The following PBDC1 variants were observed in gnomAD, a reference collection of about 807,000 sequenced individuals.
The protein encoded by PBDC1 is protein PBDC1.
A neutral mutation model predicts 12.0 loss-of-function variants in PBDC1; 3 were observed. That is an observed-to-expected ratio of 0.25 (90% CI 0.11 to 0.64). The LOEUF is 0.64. Ranked by LOEUF, PBDC1 falls within the 30% of genes least tolerant of loss-of-function variation. PBDC1 has a pLI of 0.84. For missense variants in PBDC1, 162 were observed against 168.1 expected (o/e 0.96, Z 0.20); for synonymous variants, 64 against 56.4 (o/e 1.13, Z -0.60).
chrX:76,177,990 G>T lies in PBDC1; in HGVS notation c.*82G>T. The T allele has an allele frequency of 8.5e-7, 1 of 1,177,376 alleles. No individual in the cohort carries two copies. The highest frequency in any genetic ancestry group is 1.9e-5 in the South Asian group (1 of 51,657). ...CGGTGCTACTTGCACAGACCCCTTT[G>T]GTTAAATGTAAATTCTTGTACAATT... On this transcript the variant is annotated 3_prime_UTR_variant, in exon 6 of 6. Coordinates refer to ENST00000373358, the MANE Select transcript of PBDC1 (RefSeq NM_016500.5).
chrX:76,177,195 T>A (rs906359055), intron 5 of PBDC1, among the ~76,000 whole-genome samples: 2 of 111,050 alleles, frequency 1.8e-5, no homozygotes, highest in Admixed American at 9.6e-5. Context: ...CTCTGAAGTT[T>A]ATGACTATAC....
Position 76,177,830 on chromosome X carries a change from A to G in PBDC1, c.624A>G (p.Glu208=). ...AAAAAGAGGAAGGAATCAACAGAGA[A>G]GACAAAACTGACAAAGGAGGAGAAA... ...GEEKEEGINR[E]DKTDKGGEKG... The change falls in exon 6 of 6, where the codon GAA becomes GAG. Residue 208 remains glutamate (E), a synonymous_variant. Transcript: ENST00000373358. 8.3e-7 allele frequency: 1 copy of G among 1,207,502 alleles called. No individual in the cohort carries two copies. Among genetic ancestry groups the G allele is most frequent in the South Asian group, 1.8e-5 (1 of 56,187 alleles).
At chrX:76,173,694 G>T in intron 2 of PBDC1, 44 bp downstream of exon 2, 3 of 989,823 alleles carry the variant, frequency 3.0e-6, no homozygotes, top group Non-Finnish European at 4.1e-6. Flanking sequence ...CAGCTAGCCT[G>T]GGATCTCTGC....
chrX:76,177,690 G>C lies in PBDC1; in HGVS notation c.484G>C (p.Val162Leu), dbSNP rs1262316377. 1.7e-6 allele frequency: 2 copies of C among 1,205,092 alleles called. No individual in the cohort carries two copies. Among genetic ancestry groups the C allele is most frequent in the East Asian group, 5.9e-5 (2 of 33,823 alleles). Residue 162 changes from valine (V) to leucine (L), a missense_variant, in exon 6 of 6, where the codon GTT (valine) becomes CTT (leucine). This residue lies in a region of PBDC1 where 100 missense variants were observed against 96.2 expected (regional missense o/e 1.04). Transcript: ENST00000373358. Reference protein sequence around the residue: ...EGYNKAVYISVQDKEGEKGVN... With the variant: ...EGYNKAVYISLQDKEGEKGVN... ...CTATAACAAAGCTGTTTATATCAGT[G>C]TTCAGGACAAAGAAGGAGAGAAAGG...
intron 3 of PBDC1, among the ~76,000 whole-genome samples, chrX:76,175,169 G>A (rs1176485256): frequency 8.9e-6 from 1 of 112,618 alleles, no homozygotes; most frequent in African/African-American, 3.2e-5. Flanking sequence ...CTGACAAAAG[G>A]GCGTCTGGCC....
chrX:76,175,585 A>T lies in PBDC1; in HGVS notation c.269A>T (p.Glu90Val). ...ETLRIDVLDP[E>V]ELKSESAKEK... ...CTTAGGATAGATGTGTTGGACCCAG[A>T]AGAACTCAAGTCAGAATCAGCCAAA... Residue 90 changes from glutamate (E) to valine (V), a missense_variant, in exon 4 of 6, where the codon GAA (glutamate) becomes GTA (valine). Coordinates refer to ENST00000373358, the MANE Select transcript of PBDC1 (RefSeq NM_016500.5). 1 of 1,204,368 alleles carries T rather than the reference A, an allele frequency of 8.3e-7. No homozygotes were observed. The highest frequency in any genetic ancestry group is 1.8e-5 in the South Asian group (1 of 54,954).
chrX:76,173,526 G>T (rs781935876), intron 1 of PBDC1, 59 bp from the exon 2 acceptor site: 24 of 932,219 alleles, frequency 2.6e-5, no homozygotes, highest in Non-Finnish European at 2.7e-5. Flanking sequence ...ACTGGCCTTG[G>T]GGGGAGCCAC....
In PBDC1 at chrX:76,173,108, C is replaced by T; in HGVS notation, c.-31C>T. The T allele has an allele frequency of 1.2e-5, 14 of 1,170,562 alleles. No individual in the cohort carries two copies. The highest frequency in any genetic ancestry group is 1.5e-5 in the Non-Finnish European group (13 of 872,962). ...TCCGGCTCAGCTTTCCAATCAGCTG[C>T]GGAAGGAGCCACGCTTTCGGGGGTT... On this transcript the variant is annotated 5_prime_UTR_variant, in exon 1 of 6. Transcript: ENST00000373358.
At chrX:76,176,793 C>T in intron 4 of PBDC1, 88 bp from the exon 5 acceptor site, 4 of 578,146 alleles carry the variant, frequency 6.9e-6, no homozygotes, top group Non-Finnish European at 3.0e-6. Flanking sequence ...GATTATTTTC[C>T]TTACTGGGAA....
intron 4 of PBDC1, 42 bp from the exon 5 acceptor site, chrX:76,176,839 C>A: frequency 1.1e-6 from 1 of 905,681 alleles, no homozygotes. Context: ...GTACGTCAGC[C>A]TCTTGCATTT....
Position 76,173,177 on chromosome X carries a change from C to T in PBDC1, c.30+9C>T, listed in dbSNP as rs1924700417. The T allele has an allele frequency of 8.5e-7, 1 of 1,171,676 alleles. No homozygotes were observed. The highest frequency in any genetic ancestry group is 1.1e-6 in the Non-Finnish European group (1 of 874,277). On this transcript the variant is annotated intron_variant, in intron 1 of 5. Coordinates refer to ENST00000373358, the MANE Select transcript of PBDC1 (RefSeq NM_016500.5). ...GTGGAACTGATGAGCCGGTGAGACG[C>T]TGTTCTGGGGTCGGGTGAGTGGGGA...
rs1924717014 is a variant in PBDC1, at chrX:76,173,632, A to G, written c.78A>G (p.Ala26=). The G allele has an allele frequency of 1.7e-6, 2 of 1,190,659 alleles. No homozygotes were observed. Among genetic ancestry groups the G allele is most frequent in the African/African-American group, 1.8e-5 (1 of 56,513 alleles). Residue 26 remains alanine (A), a synonymous_variant, in exon 2 of 6, where the codon GCA becomes GCG. Coordinates refer to ENST00000373358, the MANE Select transcript of PBDC1 (RefSeq NM_016500.5). ...TGGCACATGCGCTTTCTCTCCCAGC[A>G]GAGTCGTATGGCAACGATGTGAGTA... is the stretch of plus-strand genomic sequence containing the variant. ...VSVAHALSLP[A]ESYGNDPDIE...
Position 76,178,172 on chromosome X carries a change from TGTAA to T in PBDC1, c.*265_*268del. ...GACACTACTGGTCAAGTAAGAAATT[TGTAA>T]ATAAATTTCTTTTGGTTCTTATTAT... On this transcript the variant is annotated 3_prime_UTR_variant, in exon 6 of 6. Coordinates refer to ENST00000373358, the MANE Select transcript of PBDC1 (RefSeq NM_016500.5). 1 of 370,198 alleles carries T rather than the reference TGTAA, an allele frequency of 2.7e-6. No homozygotes were observed. The highest frequency in any genetic ancestry group is 4.7e-6 in the Non-Finnish European group (1 of 214,895). The allele number at this position is 370,198 out of a possible 1,213,427, so 30.5% of individuals were successfully genotyped here. A position where few individuals can be genotyped will look rare whatever the true frequency, so the allele number is the denominator to read the frequency against.
In PBDC1 at chrX:76,176,868, T is replaced by A; in HGVS notation, c.298-13T>A. The A allele has an allele frequency of 8.8e-7, 1 of 1,131,754 alleles. No homozygotes were observed. The highest frequency in any genetic ancestry group is 1.2e-6 in the Non-Finnish European group (1 of 823,753). 93.3% of individuals were successfully genotyped at this position (1,131,754 alleles called of 1,213,427 possible). A position where few individuals can be genotyped will look rare whatever the true frequency, so the allele number is the denominator to read the frequency against. On this transcript the variant is annotated splice_polypyrimidine_tract_variant and intron_variant, in intron 4 of 5. Transcript: ENST00000373358. Reference sequence around the variant, plus strand: ...TGCATTTGTCAGCTAAAGCATCGTTTTTGCCTTTATAGAAGTGGAGGCCAT... The same window carrying A: ...TGCATTTGTCAGCTAAAGCATCGTTATTGCCTTTATAGAAGTGGAGGCCAT...
Position 76,173,640 on chromosome X carries a change from A to G in PBDC1, c.86A>G (p.Tyr29Cys). 1 of 1,184,679 alleles carries G rather than the reference A, an allele frequency of 8.4e-7. No homozygotes were observed. The highest frequency in any genetic ancestry group is 3.0e-5 in the East Asian group (1 of 33,198). The change falls in exon 2 of 6, where the codon TAT (tyrosine) becomes TGT (cysteine). Residue 29 changes from tyrosine (Y) to cysteine (C), a missense_variant. By Grantham distance (194) the Tyr-to-Cys change is radical (BLOSUM62 -2). Coordinates refer to ENST00000373358, the MANE Select transcript of PBDC1 (RefSeq NM_016500.5). ...AHALSLPAES[Y>C]GNDPDIEMAW... The stretch of plus-strand genomic sequence containing the variant: ...GCGCTTTCTCTCCCAGCAGAGTCGT[A>G]TGGCAACGATGTGAGTATGACTCAC...
At chrX:76,176,407 G>A (rs782424507) in intron 4 of PBDC1, among the ~76,000 whole-genome samples, 3 of 111,150 alleles carry the variant, frequency 2.7e-5, no homozygotes, top group Non-Finnish European at 5.7e-5. Flanking sequence ...CGCCCGCCTC[G>A]GTCTTTCAAA....
chrX:76,175,752 C>A (rs938244874), intron 4 of PBDC1, 139 bp downstream of exon 4: 1 of 462,609 alleles, frequency 2.2e-6, no homozygotes. Flanking sequence ...TTGTAATCAA[C>A]TAAGTTAGGA....
intron 2 of PBDC1, 78 bp downstream of exon 2, chrX:76,173,728 T>C (rs1924721542): frequency 1.5e-5 from 9 of 615,541 alleles, no homozygotes; most frequent in Admixed American, 3.6e-5. Flanking sequence ...CACTAAGTTA[T>C]AACTTCACGT....
In PBDC1 at chrX:76,173,155, G is replaced by A; in HGVS notation, c.17G>A (p.Gly6Glu). 8.5e-7 allele frequency: 1 copy of A among 1,179,113 alleles called. No individual in the cohort carries two copies. Among genetic ancestry groups the A allele is most frequent in the Admixed American group, 2.5e-5 (1 of 40,747 alleles). ...GGTTGCAAGATGGCGGCCACCAGTG[G>A]AACTGATGAGCCGGTGAGACGCTGT... The part of the protein sequence containing the change: MAATS[G>E]TDEPVSGELV... Residue 6 changes from glycine (G) to glutamate (E), a missense_variant, in exon 1 of 6, where the codon GGA becomes GAA. Gly to Glu is a moderately conservative substitution (Grantham distance 98, BLOSUM62 -2). Transcript: ENST00000373358.
Sources: gnomAD v4.1 joint callset for allele counts (sites outside exome capture counted in the v4.1 genomes callset) on GRCh38, gnomAD v4.1.1 for gene constraint, gnomAD v4.1.1 regional missense constraint, MANE v1.5 for transcripts, NCBI Gene and HGNC (gene_info 2026-07-23, HGNC 2026-07-21) for gene names.